The following SYN3 variants were observed in gnomAD, a reference collection of about 807,000 sequenced individuals.
SYN3 encodes synapsin-3.
SYN3 carries 35 observed loss-of-function variants against 65.8 expected under a neutral mutation model. The observed-to-expected ratio is 0.53, with a 90% CI of 0.41 to 0.70. The LOEUF (loss-of-function observed/expected upper bound fraction) is 0.70, where lower values mean the gene tolerates loss of function less well. Ranked by LOEUF, SYN3 falls within the 30% of genes least tolerant of loss-of-function variation. The probability of loss-of-function intolerance (pLI) is 0.00; values close to 1 mark genes in which losing one functional copy is unlikely to be tolerated. For missense variants in SYN3, 680 were observed against 749.0 expected, an observed-to-expected ratio of 0.91 and a Z score of 1.08; for synonymous variants, 270 against 292.9, an observed-to-expected ratio of 0.92 and a Z score of 0.80.
chr22:32,668,610 C>A (rs994867959), intron 6 of SYN3, among the ~76,000 whole-genome samples: 2 of 151,980 alleles, frequency 1.3e-5, no homozygotes, highest in Non-Finnish European at 2.9e-5. Context: ...TTGGAAGCTG[C>A]AGGTATTTCA....
Position 32,814,299 on chromosome 22 carries a change from AGG to A in SYN3, c.711+50614_711+50615del, listed in dbSNP as rs2047013430. On this transcript the variant is annotated intron_variant, in intron 6 of 13. Transcript: ENST00000358763. ...AGAGAGGGAGAGAGGGAAGGAAGGA[AGG>A]AGAGAGAGAGAGAGACAGAAAGAAA... 3.9e-4 allele frequency among the ~76,000 whole-genome samples: 3 copies of A among 7,684 alleles called. No homozygotes were observed. In the Admixed American group the frequency reaches 4.5e-3, roughly 11 times the overall value. The allele number at this position is 7,684 out of a possible 152,430, so 5.0% of individuals were successfully genotyped here.
intron 3 of SYN3, among the ~76,000 whole-genome samples, chr22:32,974,783 G>A (rs891211349): frequency 6.6e-6 from 1 of 152,150 alleles, no homozygotes; most frequent in Non-Finnish European, 1.5e-5. Flanking sequence ...AGTTTATTGA[G>A]CACCTAATAC....
intron 12 of SYN3, among the ~76,000 whole-genome samples, chr22:32,524,842 C>T (rs2057948750): frequency 1.3e-5 from 2 of 152,228 alleles, no homozygotes; most frequent in South Asian, 4.2e-4. Context: ...AACTCCATCT[C>T]TACTAAAAAT....
Position 32,605,007 on chromosome 22 carries a change from GAAAAAA to G in SYN3, c.712-8277_712-8272del, listed in dbSNP as rs543726592. ...GGCGATAGAGCGAGACTCCATCTCA[GAAAAAA>G]AAAAAAAAAAAAAGAATTATACATT... is the stretch of plus-strand genomic sequence containing the variant. On this transcript the variant is annotated intron_variant, in intron 6 of 13. Transcript: ENST00000358763. Among the ~76,000 whole-genome samples, 224 of 91,142 alleles carry G rather than the reference GAAAAAA, an allele frequency of 2.5e-3. 1 individual carries two copies. The highest frequency in any genetic ancestry group is 9.2e-3 in the African/African-American group (210 of 22,714). The allele number at this position is 91,142 out of a possible 152,430, so 59.8% of individuals were successfully genotyped here.
chr22:32,830,998 A>G (rs1462115470), intron 6 of SYN3, among the ~76,000 whole-genome samples: 2 of 152,158 alleles, frequency 1.3e-5, no homozygotes, highest in Admixed American at 1.3e-4. Context: ...GGAAGAGGAG[A>G]AACATGAAGG....
intron 6 of SYN3, among the ~76,000 whole-genome samples, chr22:32,799,581 C>T (rs562222234): frequency 5.3e-5 from 8 of 152,310 alleles, no homozygotes; most frequent in African/African-American, 1.7e-4. Context: ...GAGAGGGCCT[C>T]TATCATGTAA....
At chr22:32,831,605 A>G (rs2047576312) in intron 6 of SYN3, among the ~76,000 whole-genome samples, 1 of 152,220 alleles carries the variant, frequency 6.6e-6, no homozygotes, top group Non-Finnish European at 1.5e-5. Flanking sequence ...TTGAAGGCAG[A>G]AGCCCTTATC....
chr22:32,601,802 A>T (rs2059287913), intron 6 of SYN3, among the ~76,000 whole-genome samples: 2 of 152,114 alleles, frequency 1.3e-5, no homozygotes, highest in Admixed American at 1.3e-4. Flanking sequence ...TGTGGGCAGG[A>T]TGGATTTGTG....
At chr22:32,573,911 G>A (rs1014864083) in intron 7 of SYN3, among the ~76,000 whole-genome samples, 11 of 150,738 alleles carry the variant, frequency 7.3e-5, no homozygotes, top group African/African-American at 2.4e-4. Context: ...CTGGGATTAC[G>A]GGTGCCCGCT....
At chr22:32,546,857 T>C (rs1165913834) in intron 7 of SYN3, among the ~76,000 whole-genome samples, 1 of 151,444 alleles carries the variant, frequency 6.6e-6, no homozygotes, top group Non-Finnish European at 1.5e-5. Flanking sequence ...CTCTTCTCCC[T>C]TCTCTTATCT....
At position 33,006,639 on chromosome 22, in the gene SYN3, G is replaced by C; in HGVS notation, c.24C>G (p.Leu8=). 1 of 1,591,498 alleles carries C rather than the reference G, an allele frequency of 6.3e-7. No individual in the cohort carries two copies. The highest frequency in any genetic ancestry group is 8.6e-7 in the Non-Finnish European group (1 of 1,167,972). The change falls in exon 2 of 14, where the codon CTC becomes CTG. Residue 8 remains leucine, a synonymous_variant. Coordinates refer to ENST00000358763, the MANE Select transcript of SYN3 (RefSeq NM_003490.4). MNFLRRR[L]SDSSFMANLP... is the part of the protein sequence containing the mutation. The stretch of plus-strand genomic sequence containing the variant: ...GGTTGGCCATGAAGCTGCTGTCAGA[G>C]AGACGTCGCCGGAGGAAATTCATGG...
intron 6 of SYN3, among the ~76,000 whole-genome samples, chr22:32,856,106 T>A (rs1340116027): frequency 6.6e-6 from 1 of 152,242 alleles, no homozygotes; most frequent in Non-Finnish European, 1.5e-5. Flanking sequence ...CTTTTAAGGA[T>A]ACTGCAAGGA....
intron 6 of SYN3, among the ~76,000 whole-genome samples, chr22:32,690,414 T>C (rs1314604696): frequency 6.6e-6 from 1 of 152,172 alleles, no homozygotes; most frequent in East Asian, 1.9e-4. Context: ...ACAAAGCACA[T>C]ACTCTTTCTC....
intron 5 of SYN3, among the ~76,000 whole-genome samples, chr22:32,867,940 A>G (rs946832061): frequency 6.6e-6 from 1 of 152,240 alleles, no homozygotes; most frequent in Non-Finnish European, 1.5e-5. Flanking sequence ...ACTCAAATAA[A>G]TCAAATGAAT....
intron 6 of SYN3, among the ~76,000 whole-genome samples, chr22:32,654,160 A>G (rs1451384899): frequency 6.6e-6 from 1 of 152,230 alleles, no homozygotes; most frequent in African/African-American, 2.4e-5. Flanking sequence ...GGCCCAGAGC[A>G]GCCTGGACCT....
chr22:32,882,114 C>A (rs973818753), intron 4 of SYN3, among the ~76,000 whole-genome samples: 7 of 151,642 alleles, frequency 4.6e-5, no homozygotes, highest in Non-Finnish European at 1.0e-4. Flanking sequence ...CAGGATGTGA[C>A]GTCTGTCTGT....
intron 6 of SYN3, among the ~76,000 whole-genome samples, chr22:32,692,935 A>C (rs943304138): frequency 2.0e-5 from 3 of 152,302 alleles, no homozygotes; most frequent in Non-Finnish European, 4.4e-5. Flanking sequence ...AATTAGCAAT[A>C]TATTTGGAGG....
chr22:32,877,390 G>A (rs939767791), intron 4 of SYN3, among the ~76,000 whole-genome samples: 7 of 152,196 alleles, frequency 4.6e-5, no homozygotes, highest in Admixed American at 1.3e-4. Context: ...TATTGGTGAT[G>A]GAACCATGAG....
chr22:32,611,997 C>T (rs1276048511), intron 6 of SYN3, among the ~76,000 whole-genome samples: 1 of 152,016 alleles, frequency 6.6e-6, no homozygotes, highest in African/African-American at 2.4e-5. Context: ...CATAAAAATC[C>T]CTCAACTACA....
Sources: allele counts gnomAD v4.1 joint callset (sites outside exome capture counted in the v4.1 genomes callset), GRCh38; gene constraint gnomAD v4.1.1; transcripts MANE v1.5; gene names NCBI Gene and HGNC (gene_info 2026-07-23, HGNC 2026-07-21).